Variants in TMEM123 observed in about 807,000 individuals in gnomAD.
The protein encoded by TMEM123 is porimin.
A neutral mutation model predicts 19.7 loss-of-function variants in TMEM123; 16 were observed. The ratio of observed to expected loss-of-function variants is 0.81; its 90% CI spans 0.55 to 1.23. The LOEUF (loss-of-function observed/expected upper bound fraction) is 1.23. Ranked by LOEUF, TMEM123 falls within the 50% of genes most tolerant of loss-of-function variation. The probability of loss-of-function intolerance (pLI) is 0.00; values close to 1 mark genes in which losing one functional copy is unlikely to be tolerated. For synonymous variants in TMEM123, 118 were observed against 99.4 expected, an observed-to-expected ratio of 1.19 and a Z score of -1.12; for missense variants, 313 against 257.8, an observed-to-expected ratio of 1.21 and a Z score of -1.47.
intron 2 of TMEM123, among the ~76,000 whole-genome samples, chr11:102,422,333 G>A (rs1458865672): frequency 1.3e-5 from 2 of 152,158 alleles, no homozygotes; most frequent in Admixed American, 1.3e-4. Context: ...AATTAGCCAG[G>A]TGTGGTGGCA....
At chr11:102,414,393 A>G (rs1055611159) in intron 2 of TMEM123, among the ~76,000 whole-genome samples, 1 of 152,210 alleles carries the variant, frequency 6.6e-6, no homozygotes, top group East Asian at 1.9e-4. Context: ...CCCAAGACAT[A>G]TAGTCATCAG....
chr11:102,432,479 C>T lies in TMEM123; in HGVS notation c.157+16333G>A, dbSNP rs186355470. ...CTGTGGAACTAGAACTCGAGAGACACGATTTAGGGTACCTGGCAGAAGAAA... is the reference window on the plus strand; with the variant it reads ...CTGTGGAACTAGAACTCGAGAGACATGATTTAGGGTACCTGGCAGAAGAAA... On this transcript the variant is annotated intron_variant, in intron 2 of 4. Transcript: ENST00000398136. 4.6e-5 allele frequency among the ~76,000 whole-genome samples: 7 copies of T among 152,230 alleles called. No individual in the cohort carries two copies. In the East Asian group the frequency reaches 9.6e-4, roughly 21 times the overall value.
At chr11:102,449,042 A>G (rs1269790030) in intron 1 of TMEM123, 174 bp from the exon 2 acceptor site, 1 of 601,166 alleles carries the variant, frequency 1.7e-6, no homozygotes, top group African/African-American at 1.9e-5. Flanking sequence ...AGCTGTCAGT[A>G]AAAGGGACTG....
intron 1 of TMEM123, chr11:102,452,304 G>A (rs1053534411): frequency 1.3e-5 from 5 of 398,868 alleles, no homozygotes; most frequent in Admixed American, 8.7e-5. Context: ...AAGCGAGAGG[G>A]GAAGCACCAG....
chr11:102,427,837 C>T (rs950476197), intron 2 of TMEM123, among the ~76,000 whole-genome samples: 1 of 146,166 alleles, frequency 6.8e-6, no homozygotes, highest in Non-Finnish European at 1.5e-5. Context: ...GACTCTGTTT[C>T]AATTAAAAAA....
intron 2 of TMEM123, among the ~76,000 whole-genome samples, chr11:102,432,363 ATT>A (rs1441304913): frequency 6.6e-6 from 1 of 152,196 alleles, no homozygotes; most frequent in Admixed American, 6.5e-5. Context: ...TCAGATGCAG[ATT>A]TGAGGAACCT....
chr11:102,443,422 C>G (rs1463124981), intron 2 of TMEM123, among the ~76,000 whole-genome samples: 1 of 152,060 alleles, frequency 6.6e-6, no homozygotes, highest in Non-Finnish European at 1.5e-5. Flanking sequence ...CTTTGACAAA[C>G]CTGACAAAAA....
At chr11:102,429,381 T>C (rs1213641368) in intron 2 of TMEM123, among the ~76,000 whole-genome samples, 1 of 152,202 alleles carries the variant, frequency 6.6e-6, no homozygotes, top group African/African-American at 2.4e-5. Flanking sequence ...CTTCAGTTTT[T>C]TTCCTCCTTT....
At chr11:102,425,359 A>G (rs751528466) in intron 2 of TMEM123, among the ~76,000 whole-genome samples, 1 of 152,244 alleles carries the variant, frequency 6.6e-6, no homozygotes, top group Admixed American at 6.5e-5. Flanking sequence ...GAGCAGTATC[A>G]TTTTATAACA....
At chr11:102,420,748 C>T (rs956853737) in intron 2 of TMEM123, among the ~76,000 whole-genome samples, 3 of 152,214 alleles carry the variant, frequency 2.0e-5, no homozygotes, top group African/African-American at 7.2e-5. Flanking sequence ...TAACCTTTAA[C>T]ACATTGCTGA....
At chr11:102,424,628 G>A (rs1952111416) in intron 2 of TMEM123, among the ~76,000 whole-genome samples, 1 of 152,106 alleles carries the variant, frequency 6.6e-6, no homozygotes, top group Non-Finnish European at 1.5e-5. Context: ...GGCGGAGTCT[G>A]CAATGAGCAA....
At chr11:102,419,517 A>G (rs1481174537) in intron 2 of TMEM123, among the ~76,000 whole-genome samples, 3 of 152,188 alleles carry the variant, frequency 2.0e-5, no homozygotes, top group African/African-American at 7.2e-5. Context: ...TCAGCTACCT[A>G]AACTCCCCAG....
chr11:102,431,372 C>G (rs150758468), intron 2 of TMEM123, among the ~76,000 whole-genome samples: 25 of 152,224 alleles, frequency 1.6e-4, no homozygotes, highest in African/African-American at 5.3e-4. Flanking sequence ...ATTAACATAT[C>G]CATCACCTCA....
chr11:102,431,712 G>T (rs1857711722), intron 2 of TMEM123, among the ~76,000 whole-genome samples: 1 of 152,126 alleles, frequency 6.6e-6, no homozygotes, highest in Admixed American at 6.6e-5. Context: ...TAAACAGTTA[G>T]GTTGATTCTA....
intron 2 of TMEM123, among the ~76,000 whole-genome samples, chr11:102,427,607 G>A (rs1208286785): frequency 6.6e-6 from 1 of 151,540 alleles, no homozygotes; most frequent in Non-Finnish European, 1.5e-5. Flanking sequence ...GGGAGGCTGA[G>A]GCAGGTGGAT....
At chr11:102,445,131 T>C (rs1459595353) in intron 2 of TMEM123, among the ~76,000 whole-genome samples, 1 of 152,200 alleles carries the variant, frequency 6.6e-6, no homozygotes, top group Non-Finnish European at 1.5e-5. Context: ...GTAACAAATC[T>C]GCACGTTGTG....
chr11:102,440,373 G>A (rs1857812336), intron 2 of TMEM123, among the ~76,000 whole-genome samples: 2 of 152,178 alleles, frequency 1.3e-5, no homozygotes, highest in African/African-American at 4.8e-5. Context: ...CCACAAGCCA[G>A]AAGAAAGTAG....
At chr11:102,412,722 A>G (rs1247182937) in intron 2 of TMEM123, among the ~76,000 whole-genome samples, 3 of 152,222 alleles carry the variant, frequency 2.0e-5, no homozygotes, top group Non-Finnish European at 4.4e-5. Flanking sequence ...TATTTCATAT[A>G]CAAGATGAGA....
intron 2 of TMEM123, among the ~76,000 whole-genome samples, chr11:102,417,454 G>A (rs1266433609): frequency 2.0e-5 from 3 of 152,146 alleles, no homozygotes; most frequent in African/African-American, 7.2e-5. Flanking sequence ...GTTAACCAGG[G>A]AGGTGAAAGA....
Sources: gnomAD v4.1 joint callset for allele counts (sites outside exome capture counted in the v4.1 genomes callset) on GRCh38, gnomAD v4.1.1 for gene constraint, MANE v1.5 for transcripts, NCBI Gene and HGNC (gene_info 2026-07-23, HGNC 2026-07-21) for gene names.